The following NPC1 variants were observed in gnomAD, a reference collection of about 807,000 sequenced individuals.
NPC1 encodes the protein Niemann-Pick C1 protein.
In NPC1, 85 loss-of-function variants were observed where a neutral mutation model predicts 140.4. The ratio of observed to expected loss-of-function variants is 0.61; its 90% confidence interval spans 0.51 to 0.72. The LOEUF is 0.72. Among genes scored for constraint, NPC1 ranks in the 30% least tolerant of loss-of-function variants. The probability of loss-of-function intolerance (pLI) is 0.00; values close to 1 mark genes in which losing one functional copy is unlikely to be tolerated. For synonymous variants in NPC1, 656 were observed against 624.8 expected, an observed-to-expected ratio of 1.05 and a Z score of -0.74; for missense variants, 1,504 against 1,623.8, an observed-to-expected ratio of 0.93 and a Z score of 1.27.
In NPC1 at chr18:23,532,094, T is replaced by TGGTTGGCACCATCCGGTGTTCA. The variant is rs2058529945; in HGVS notation, c.*86_*107dup. 4 of 1,612,732 alleles carry TGGTTGGCACCATCCGGTGTTCA rather than the reference T, an allele frequency of 2.5e-6. No homozygotes were observed. The highest frequency in any genetic ancestry group is 3.4e-6 in the Non-Finnish European group (4 of 1,179,394). ...TTCAAAGCTGCTGCCAAACAACCGA[T>TGGTTGGCACCATCCGGTGTTCA]GGTTGGCACCATCCGGTGTTCAACT... is the stretch of plus-strand genomic sequence containing the variant. On this transcript the variant is annotated 3_prime_UTR_variant, in exon 25 of 25. Transcript: ENST00000269228.
chr18:23,541,597 A>G (rs144410587), intron 14 of NPC1, among the ~76,000 whole-genome samples, 164 bp from the exon 15 acceptor site: 20 of 152,344 alleles, frequency 1.3e-4, no homozygotes, highest in South Asian at 6.2e-4. Flanking sequence ...ACAGGAGGTG[A>G]TAAGCCAGTG....
At chr18:23,521,977 C>T (rs2058154141), downstream of NPC1, among the ~76,000 whole-genome samples, 1 of 152,114 alleles carries the variant, frequency 6.6e-6, no homozygotes, top group Non-Finnish European at 1.5e-5. Flanking sequence ...CATTTGGAAC[C>T]CTAGTAGTAA....
At chr18:23,543,427 G>C in intron 14 of NPC1, 28 bp downstream of exon 14, 1 of 1,285,398 alleles carries the variant, frequency 7.8e-7, no homozygotes, top group East Asian at 2.3e-5. Context: ...GCAGACTACA[G>C]GACTGGTAGG....
intron 9 of NPC1, among the ~76,000 whole-genome samples, chr18:23,554,105 A>G (rs1330854924): frequency 1.3e-5 from 2 of 152,192 alleles, no homozygotes; most frequent in African/African-American, 4.8e-5. Flanking sequence ...GCTTCCTGCC[A>G]GGGCTCTGCA....
At chr18:23,530,083 T>G (rs1327082645), downstream of NPC1, 1 of 1,614,148 alleles carries the variant, frequency 6.2e-7, no homozygotes, top group African/African-American at 1.3e-5. Flanking sequence ...CTCTTTTATA[T>G]GCTGCATCAG....
At chr18:23,512,762 AC>A (rs1309344343) in intron 3 of NPC1, among the ~76,000 whole-genome samples, 2 of 152,042 alleles carry the variant, frequency 1.3e-5, no homozygotes, top group East Asian at 1.9e-4. Context: ...TGGTAAAAAA[AC>A]ATACAACATT....
chr18:23,518,740 G>A, downstream of NPC1: 1 of 639,212 alleles, frequency 1.6e-6, no homozygotes, highest in African/African-American at 1.8e-5. Flanking sequence ...AATAGGCTTT[G>A]AGTAACTGCA....
chr18:23,544,985 TGCCCCAAG>T lies in NPC1; in HGVS notation c.1914_1921del (p.Leu639HisfsTer47), dbSNP rs1397758676. 1 of 1,471,264 alleles carries T rather than the reference TGCCCCAAG, an allele frequency of 6.8e-7. No homozygotes were observed. The highest frequency in any genetic ancestry group is 9.3e-7 in the Non-Finnish European group (1 of 1,077,456). The allele number at this position is 1,471,264 out of a possible 1,614,324, so 91.1% of individuals were successfully genotyped here. A position where few individuals can be genotyped will look rare whatever the true frequency, so the allele number is the denominator to read the frequency against. ...CAGAAGCCTGCGACAGCTTTTCATGTGCCCCAAGGCTAGGGAAATATATAGAAACATGA... is the reference window on the plus strand; with the variant it reads ...CAGAAGCCTGCGACAGCTTTTCATGTGCTAGGGAAATATATAGAAACATGA... On this transcript the variant is annotated frameshift_variant, in exon 12 of 25. Coordinates refer to ENST00000269228, the MANE Select transcript of NPC1 (RefSeq NM_000271.5). LOFTEE classifies it high-confidence loss of function.
chr18:23,535,591 A>C lies in NPC1; in HGVS notation c.3355T>G (p.Cys1119Gly). 1 of 1,614,192 alleles carries C rather than the reference A, an allele frequency of 6.2e-7. No homozygotes were observed. Among genetic ancestry groups the C allele is most frequent in the Non-Finnish European group, 8.5e-7 (1 of 1,180,024 alleles). The change falls in exon 22 of 25, where the codon TGT becomes GGT. Residue 1119 changes from cysteine to glycine, a missense_variant. Coordinates refer to ENST00000269228, the MANE Select transcript of NPC1 (RefSeq NM_000271.5). ...ATGATGACTGCAGACCAGAGCTCAC[A>C]GCCCAGGAGGACCATGGTCACCAGA... ...IFLVTMVLLG[C>G]ELWSAVIMCA... is the part of the protein sequence containing the mutation.
intron 3 of NPC1, chr18:23,516,222 A>T: frequency 6.9e-7 from 1 of 1,448,078 alleles, no homozygotes; most frequent in Non-Finnish European, 9.7e-7. Flanking sequence ...GGATCCAAAG[A>T]CGAAGTCTGT....
chr18:23,531,782 A>G lies in NPC1; in HGVS notation c.*420T>C. On this transcript the variant is annotated 3_prime_UTR_variant, in exon 25 of 25. Coordinates refer to ENST00000269228, the MANE Select transcript of NPC1 (RefSeq NM_000271.5). ...TTAATAAAGCTCTTTAAACTATAAA[A>G]TGTTATAAAGTGTATCTACAACCTC... The G allele has an allele frequency of 6.4e-7, 1 of 1,562,896 alleles. No individual in the cohort carries two copies. Among genetic ancestry groups the G allele is most frequent in the Admixed American group, 2.0e-5 (1 of 49,590 alleles).
chr18:23,560,726 C>A (rs1486620559), intron 5 of NPC1, among the ~76,000 whole-genome samples: 1 of 152,178 alleles, frequency 6.6e-6, no homozygotes, highest in Non-Finnish European at 1.5e-5. Flanking sequence ...ACACCACATA[C>A]CAAGGCAACC....
chr18:23,511,579 C>T (rs1385923787), intron 3 of NPC1, among the ~76,000 whole-genome samples: 1 of 151,856 alleles, frequency 6.6e-6, no homozygotes, highest in Non-Finnish European at 1.5e-5. Context: ...GTGCATATTC[C>T]TCTATTTTTA....
intron 3 of NPC1, among the ~76,000 whole-genome samples, chr18:23,507,299 GC>G (rs779636862): frequency 1.4e-4 from 22 of 152,042 alleles, no homozygotes; most frequent in Non-Finnish European, 2.2e-4. Flanking sequence ...TTCCTTTGTT[GC>G]CCAGGCTGGA....
At chr18:23,578,926 G>A (rs1033009015) in intron 1 of NPC1, among the ~76,000 whole-genome samples, 2 of 152,182 alleles carry the variant, frequency 1.3e-5, no homozygotes, top group Non-Finnish European at 2.9e-5. Flanking sequence ...ACTCGGACCC[G>A]GCAGTGTCTC....
chr18:23,522,426 A>C (rs1277449177), exon 2 of NPC1: 1 of 152,236 alleles, frequency 6.6e-6, no homozygotes, highest in Non-Finnish European at 1.5e-5. Context: ...GACAGCTTTG[A>C]ATGCAGCCCA....
intron 6 of NPC1, 144 bp from the exon 7 acceptor site, chr18:23,557,334 C>CTT: frequency 1.4e-6 from 1 of 705,622 alleles, no homozygotes; most frequent in East Asian, 2.7e-5. Flanking sequence ...CCCCTAAGTC[C>CTT]CCTTGCTCTG....
At chr18:23,533,917 G>A (rs756708138) in intron 23 of NPC1, 4 of 332,510 alleles carry the variant, frequency 1.2e-5, no homozygotes, top group African/African-American at 2.1e-5. Flanking sequence ...GGAGAGGTAT[G>A]ACCAAGTTAA....
chr18:23,529,706 A>C (rs776866747), downstream of NPC1: 13 of 1,613,204 alleles, frequency 8.1e-6, no homozygotes, highest in Admixed American at 1.3e-4. Flanking sequence ...TTCAGATTGC[A>C]GTACAGGTAC....
Sources: gnomAD v4.1 joint callset for allele counts (sites outside exome capture counted in the v4.1 genomes callset) on GRCh38, gnomAD v4.1.1 for gene constraint, MANE v1.5 for transcripts, NCBI Gene and HGNC (gene_info 2026-07-23, HGNC 2026-07-21) for gene names.